The following SPIDR variants were observed in gnomAD, a reference collection of about 807,000 sequenced individuals.
SPIDR encodes the protein DNA repair-scaffolding protein.
Under a neutral mutation model 104.6 loss-of-function variants are expected in SPIDR, and 93 were observed. The observed-to-expected ratio is 0.89, with a 90% CI of 0.75 to 1.06. SPIDR has a LOEUF of 1.06. Among genes scored for constraint, SPIDR ranks in the 50% least tolerant of loss-of-function variants. The pLI is 0.00. For synonymous variants in SPIDR, 431 were observed against 416.9 expected (o/e 1.03, Z -0.41); for missense variants, 1,154 against 1,111.2 (o/e 1.04, Z -0.55).
intron 5 of SPIDR, among the ~76,000 whole-genome samples, chr8:47,384,441 T>A (rs1554647031): frequency 2.0e-5 from 3 of 152,178 alleles, no homozygotes; most frequent in African/African-American, 7.2e-5. Context: ...TACTTTTTCT[T>A]TTTTTTAGTA....
At chr8:47,579,559 T>C (rs551429459) in intron 8 of SPIDR, among the ~76,000 whole-genome samples, 1 of 152,354 alleles carries the variant, frequency 6.6e-6, no homozygotes, top group African/African-American at 2.4e-5. Flanking sequence ...GCCCAGTGGC[T>C]ACCTTACTGG....
At chr8:47,403,599 A>G (rs1431724823) in intron 6 of SPIDR, among the ~76,000 whole-genome samples, 1 of 152,214 alleles carries the variant, frequency 6.6e-6, no homozygotes, top group Non-Finnish European at 1.5e-5. Flanking sequence ...ACTCCCATTC[A>G]CAATTGCTTC....
intron 5 of SPIDR, among the ~76,000 whole-genome samples, chr8:47,392,112 G>C (rs373193580): frequency 6.6e-6 from 1 of 151,692 alleles, no homozygotes; most frequent in Admixed American, 6.6e-5. Flanking sequence ...TAAACTATAT[G>C]GGCTAAAAAG....
intron 8 of SPIDR, among the ~76,000 whole-genome samples, chr8:47,565,041 GTT>G (rs1335375234): frequency 6.6e-6 from 1 of 152,130 alleles, no homozygotes; most frequent in Non-Finnish European, 1.5e-5. Context: ...GAGGTCAGTA[GTT>G]CAAGACCAGC....
chr8:47,602,070 C>T (rs981470020), intron 10 of SPIDR, among the ~76,000 whole-genome samples: 1 of 152,220 alleles, frequency 6.6e-6, no homozygotes, highest in African/African-American at 2.4e-5. Context: ...CTTCGAGACA[C>T]ATTTAGCAGT....
At chr8:47,303,159 G>A (rs1025478502) in intron 5 of SPIDR, among the ~76,000 whole-genome samples, 2 of 152,164 alleles carry the variant, frequency 1.3e-5, no homozygotes, top group African/African-American at 2.4e-5. Flanking sequence ...TGCCCCTCCC[G>A]CAGCCTGGCT....
intron 5 of SPIDR, chr8:47,330,644 T>TA (rs1475385353): frequency 2.6e-6 from 1 of 378,230 alleles, no homozygotes; most frequent in Non-Finnish European, 5.3e-6. Flanking sequence ...TTTCACTTAG[T>TA]AATATGTATT....
At chr8:47,713,416 A>G (rs1482281387) in intron 15 of SPIDR, 73 bp from the exon 16 acceptor site, 15 of 1,601,978 alleles carry the variant, frequency 9.4e-6, no homozygotes, top group Middle Eastern at 1.7e-4. Flanking sequence ...GGGGTAGCAA[A>G]GGAGACTGCC....
chr8:47,599,345 G>T (rs563179799), intron 10 of SPIDR, 149 bp downstream of exon 10: 1 of 1,009,524 alleles, frequency 9.9e-7, no homozygotes, highest in East Asian at 2.7e-5. Flanking sequence ...CAAAATTTGG[G>T]ATACATGGCA....
chr8:47,292,836 G>A (rs1234588529), intron 4 of SPIDR, among the ~76,000 whole-genome samples: 7 of 152,122 alleles, frequency 4.6e-5, no homozygotes, highest in Non-Finnish European at 8.8e-5. Flanking sequence ...TGAGTATCTC[G>A]AATGGTGTGA....
At chr8:47,331,965 C>CTTTTTTTTTTTTTTTTTTTTTTT (rs1183447584) in intron 5 of SPIDR, among the ~76,000 whole-genome samples, 6 of 32,712 alleles carry the variant, frequency 1.8e-4, no homozygotes, top group Admixed American at 5.7e-4. Flanking sequence ...TTTTTTTAAA[C>CTTTTTTTTTTTTTTTTTTTTTTT]TTTTTTTTTT....
chr8:47,405,270 G>A (rs550930472), intron 6 of SPIDR, among the ~76,000 whole-genome samples: 1 of 151,790 alleles, frequency 6.6e-6, no homozygotes, highest in South Asian at 2.1e-4. Flanking sequence ...GAGTTAACGG[G>A]TGCAGCACAC....
chr8:47,707,207 C>T (rs1449758840), intron 14 of SPIDR, among the ~76,000 whole-genome samples: 2 of 149,804 alleles, frequency 1.3e-5, no homozygotes, highest in Admixed American at 1.3e-4. Flanking sequence ...GAGCCAAGAT[C>T]GCTCCATTGC....
intron 5 of SPIDR, among the ~76,000 whole-genome samples, chr8:47,343,110 T>C (rs564721055): frequency 4.9e-4 from 75 of 152,336 alleles, no homozygotes; most frequent in Middle Eastern, 3.4e-3. Context: ...TTTTTTCTTT[T>C]TTAAATACCC....
At chr8:47,336,087 A>G (rs1427136135) in intron 5 of SPIDR, among the ~76,000 whole-genome samples, 4 of 151,804 alleles carry the variant, frequency 2.6e-5, no homozygotes, top group African/African-American at 7.3e-5. Flanking sequence ...TTAAGTGTAC[A>G]TTTTATTATA....
Position 47,599,002 on chromosome 8 carries a change from A to G in SPIDR, c.1350A>G (p.Glu450=). The G allele has an allele frequency of 6.2e-7, 1 of 1,613,800 alleles. No individual in the cohort carries two copies. Among genetic ancestry groups the G allele is most frequent in the Non-Finnish European group, 8.5e-7 (1 of 1,179,820 alleles). ...CAGCCTGGACCCATGGGCACAAAGA[A>G]GCAAAACAGCGCATCCCAACCAGCA... ...TGTAWTHGHK[E]AKQRIPTSTP... is the part of the protein sequence containing the mutation. The change falls in exon 10 of 20, where the codon GAA becomes GAG. Residue 450 remains glutamate (E), a synonymous_variant. Coordinates refer to ENST00000297423, the MANE Select transcript of SPIDR (RefSeq NM_001080394.4).
intron 1 of SPIDR, among the ~76,000 whole-genome samples, chr8:47,268,865 TC>T (rs2034646472): frequency 6.6e-6 from 1 of 152,176 alleles, no homozygotes; most frequent in Non-Finnish European, 1.5e-5. Flanking sequence ...CCTTAGGATT[TC>T]CTGTGTACAA....
intron 5 of SPIDR, among the ~76,000 whole-genome samples, chr8:47,320,422 C>T (rs1429756757): frequency 1.3e-5 from 2 of 152,166 alleles, no homozygotes; most frequent in Admixed American, 6.5e-5. Context: ...TCTGAACGGA[C>T]CAATAACAGG....
At chr8:47,463,562 A>T (rs1416430272) in intron 8 of SPIDR, among the ~76,000 whole-genome samples, 2 of 152,158 alleles carry the variant, frequency 1.3e-5, no homozygotes, top group East Asian at 3.8e-4. Context: ...AAATAGACAA[A>T]GATTTTACAA....
Sources: gnomAD v4.1 joint callset for allele counts (sites outside exome capture counted in the v4.1 genomes callset) on GRCh38, gnomAD v4.1.1 for gene constraint, MANE v1.5 for transcripts, NCBI Gene and HGNC (gene_info 2026-07-23, HGNC 2026-07-21) for gene names.